Variants in ANKS3 observed in about 807,000 individuals in gnomAD.
The protein encoded by ANKS3 is ankyrin repeat and SAM domain-containing protein 3.
In ANKS3, 62 loss-of-function variants were observed where a neutral mutation model predicts 80.7. The observed-to-expected ratio is 0.77, with a 90% CI of 0.63 to 0.95. The LOEUF (loss-of-function observed/expected upper bound fraction) is 0.95, where lower values mean the gene tolerates loss of function less well. ANKS3 is among the 40% of genes least tolerant of loss of function. The probability of loss-of-function intolerance (pLI) is 0.00; values close to 1 mark genes in which losing one functional copy is unlikely to be tolerated. For synonymous variants in ANKS3, 489 were observed against 355.3 expected (o/e 1.38, Z -4.23); for missense variants, 1,150 against 883.6 (o/e 1.30, Z -3.82).
chr16:4,700,781 G>A, intron 11 of ANKS3, 189 bp downstream of exon 11: 1 of 821,206 alleles, frequency 1.2e-6, no homozygotes. Context: ...GAACAGAGTA[G>A]AAGCGCTGCA....
At position 4,702,176 on chromosome 16, in the gene ANKS3, C is replaced by T. The variant is rs142774375; in HGVS notation, c.935G>A (p.Gly312Asp). The change falls in exon 9 of 18, where the codon GGC (glycine) becomes GAC (aspartate). Residue 312 changes from glycine to aspartate, a missense_variant. Coordinates refer to ENST00000304283, the MANE Select transcript of ANKS3 (RefSeq NM_133450.4). ...GGAGGTGACATCCCGGCAGCAGAGG[C>T]CCTCTTCTTCCAGGGGGTTCTCGCC... ...SSGENPLEEEGLCCRDVTSPI... is the reference protein window; with the variant it reads ...SSGENPLEEEDLCCRDVTSPI... 1.0e-4 allele frequency: 159 copies of T among 1,593,510 alleles called. No homozygotes were observed. The highest frequency in any genetic ancestry group is 1.3e-4 in the Non-Finnish European group (151 of 1,171,086).
At chr16:4,715,190 C>T (rs1376077159) in intron 6 of ANKS3, among the ~76,000 whole-genome samples, 1 of 151,926 alleles carries the variant, frequency 6.6e-6, no homozygotes, top group African/African-American at 2.4e-5. Context: ...GCCTGTAATC[C>T]CAGCATTTGA....
intron 10 of ANKS3, 108 bp downstream of exon 10, chr16:4,701,326 G>A (rs992267348): frequency 2.1e-5 from 28 of 1,333,044 alleles, no homozygotes; most frequent in African/African-American, 1.3e-4. Context: ...CAGCACACAC[G>A]TGCAGCAGCT....
At chr16:4,700,694 G>A (rs1033524681) in intron 11 of ANKS3, 1 of 556,424 alleles carries the variant, frequency 1.8e-6, no homozygotes, top group Non-Finnish European at 3.3e-6. Context: ...GAGGTCAAGT[G>A]TGCTTTTCTT....
intron 7 of ANKS3, among the ~76,000 whole-genome samples, chr16:4,707,263 A>G (rs1050037501): frequency 1.3e-5 from 2 of 151,206 alleles, no homozygotes; most frequent in Admixed American, 1.3e-4. Flanking sequence ...AACACATTAA[A>G]TATGACACGG....
Position 4,702,394 on chromosome 16 carries a change from T to C in ANKS3, c.869-152A>G, listed in dbSNP as rs148885466. ...CATGGCTCTATCTGTGGTGTGTGGG[T>C]GGAAAAGATGCTCTGAGGGTCAGTC... On this transcript the variant is annotated intron_variant, in intron 8 of 17. Transcript: ENST00000304283. 68 of 835,078 alleles carry C rather than the reference T, an allele frequency of 8.1e-5. No homozygotes were observed. The East Asian group carries it at 2.1e-3, about 26-fold the overall frequency. The allele number at this position is 835,078 out of a possible 1,614,324, so 51.7% of individuals were successfully genotyped here.
chr16:4,728,179 G>A (rs2081450386), intron 3 of ANKS3: 1 of 152,210 alleles, frequency 6.6e-6, no homozygotes, highest in South Asian at 2.1e-4. Flanking sequence ...CCAAGTAGCT[G>A]GGACTACAGG....
At chr16:4,715,236 T>G (rs1477604867) in intron 6 of ANKS3, among the ~76,000 whole-genome samples, 1 of 151,946 alleles carries the variant, frequency 6.6e-6, no homozygotes, top group Admixed American at 6.6e-5. Flanking sequence ...GCTCAGGAGT[T>G]GGACAACAAC....
Position 4,714,033 on chromosome 16 carries a change from G to A in ANKS3, c.709+18C>T. On this transcript the variant is annotated intron_variant, in intron 7 of 17. Transcript: ENST00000304283. ...CAACCAGAGACCCCAGCAGGGCGCGGCTGGCAGGTGTGGGTACCTGGGCTC... is the reference window on the plus strand; with the variant it reads ...CAACCAGAGACCCCAGCAGGGCGCGACTGGCAGGTGTGGGTACCTGGGCTC... 2 of 1,613,500 alleles carry A rather than the reference G, an allele frequency of 1.2e-6. No homozygotes were observed. The highest frequency in any genetic ancestry group is 1.7e-6 in the Non-Finnish European group (2 of 1,179,740).
chr16:4,697,332 C>G lies in ANKS3; in HGVS notation c.1894+1G>C. On this transcript the variant is annotated splice_donor_variant, in intron 16 of 17. Coordinates refer to ENST00000304283, the MANE Select transcript of ANKS3 (RefSeq NM_133450.4). LOFTEE classifies it high-confidence loss of function. ...CAGTCGTCTGGTCCCCGGAGACTCA[C>G]CCATCTCACGGACACGGTCCTCCAG... The G allele has an allele frequency of 6.2e-7, 1 of 1,601,834 alleles. No individual in the cohort carries two copies. The highest frequency in any genetic ancestry group is 1.3e-5 in the African/African-American group (1 of 74,598).
intron 5 of ANKS3, among the ~76,000 whole-genome samples, chr16:4,725,880 G>A (rs942982827): frequency 4.0e-5 from 6 of 151,700 alleles, no homozygotes; most frequent in Admixed American, 6.6e-5. Context: ...GACTGGTCTC[G>A]AACTCCTGAC....
At chr16:4,709,845 T>C (rs982091322) in intron 7 of ANKS3, among the ~76,000 whole-genome samples, 7 of 151,814 alleles carry the variant, frequency 4.6e-5, no homozygotes, top group African/African-American at 1.7e-4. Context: ...ACCCCGTCTC[T>C]ACAAAAAAAT....
Position 4,698,464 on chromosome 16 carries a change from G to C in ANKS3, c.1687C>G (p.Leu563Val), listed in dbSNP as rs2079702970. 3.2e-6 allele frequency: 5 copies of C among 1,544,610 alleles called. No homozygotes were observed. Among genetic ancestry groups the C allele is most frequent in the African/African-American group, 1.4e-5 (1 of 73,610 alleles). The change falls in exon 14 of 18, where the codon CTG (leucine) becomes GTG (valine). Residue 563 changes from leucine to valine, a missense_variant. Coordinates refer to ENST00000304283, the MANE Select transcript of ANKS3 (RefSeq NM_133450.4). ...LQARLRETWA[L>V]ARDAALVLDQ... ...AGGACGAGGGCAGCATCCCGGGCCA[G>C]GGCCCACGTCTCCCGCAGCCGGGCC...
intron 6 of ANKS3, among the ~76,000 whole-genome samples, chr16:4,721,208 G>C (rs1567415064): frequency 6.6e-6 from 1 of 150,692 alleles, no homozygotes; most frequent in South Asian, 2.1e-4. Context: ...GGGAGGCTGA[G>C]GCAGGAGAAT....
At chr16:4,713,544 T>C (rs879339098) in intron 7 of ANKS3, among the ~76,000 whole-genome samples, 2 of 151,952 alleles carry the variant, frequency 1.3e-5, no homozygotes, top group Non-Finnish European at 2.9e-5. Context: ...ACATGCAAAA[T>C]GTAGATGAAG....
chr16:4,720,498 G>T (rs1335964181), intron 6 of ANKS3, among the ~76,000 whole-genome samples: 2 of 150,398 alleles, frequency 1.3e-5, no homozygotes, highest in Admixed American at 6.7e-5. Flanking sequence ...TAAGGGGAGG[G>T]GTGTGAACCA....
At chr16:4,722,280 A>G (rs74655737) in intron 6 of ANKS3, among the ~76,000 whole-genome samples, 1 of 151,430 alleles carries the variant, frequency 6.6e-6, no homozygotes, top group East Asian at 1.9e-4. Flanking sequence ...GACAGCTCGT[A>G]AGAGAAATAC....
chr16:4,701,240 C>A (rs1182838234), intron 10 of ANKS3, 106 bp from the exon 11 acceptor site: 6 of 1,524,450 alleles, frequency 3.9e-6, no homozygotes, highest in African/African-American at 1.4e-5. Context: ...TGAAACCCCC[C>A]ACCCGCCACA....
rs540252894 is a variant in ANKS3, at chr16:4,697,230, C to T, written c.1894+103G>A. 39 of 1,548,788 alleles carry T rather than the reference C, an allele frequency of 2.5e-5. No homozygotes were observed. In the Admixed American group the frequency reaches 5.3e-4, roughly 21 times the overall value. On this transcript the variant is annotated intron_variant, in intron 16 of 17. Transcript: ENST00000304283. ...GTTATGGCCCCAGCCCCGAGGTCAG[C>T]CTTGGGGTAGAGAGACACAAACCCG... is the stretch of plus-strand genomic sequence containing the variant.
Sources: allele counts gnomAD v4.1 joint callset (sites outside exome capture counted in the v4.1 genomes callset), GRCh38; gene constraint gnomAD v4.1.1; transcripts MANE v1.5; gene names NCBI Gene and HGNC (gene_info 2026-07-23, HGNC 2026-07-21).